BMERB1: variants seen among roughly 807,000 people sequenced by gnomAD.
The protein encoded by BMERB1 is bMERB domain containing 1, also known as bMERB domain-containing protein 1.
BMERB1 carries 12 observed loss-of-function variants against 23.6 expected under a neutral mutation model. The observed-to-expected ratio is 0.51, with a 90% CI of 0.33 to 0.82. The LOEUF is 0.82. Ranked by LOEUF, BMERB1 falls within the 40% of genes least tolerant of loss-of-function variation. BMERB1 has a pLI of 0.03. For synonymous variants in BMERB1, 122 were observed against 96.6 expected (o/e 1.26, Z -1.54); for missense variants, 247 against 255.4 (o/e 0.97, Z 0.22).
chr16:15,531,006 A>G (rs2051962210), intron 2 of BMERB1, among the ~76,000 whole-genome samples: 1 of 150,524 alleles, frequency 6.6e-6, no homozygotes, highest in Non-Finnish European at 1.5e-5. Context: ...CCCGGGTTCA[A>G]GCAATTATTC....
chr16:15,438,567 C>G (rs1245014178), intron 1 of BMERB1, among the ~76,000 whole-genome samples: 3 of 151,418 alleles, frequency 2.0e-5, no homozygotes, highest in Non-Finnish European at 4.4e-5. Flanking sequence ...TCAAGCAATT[C>G]TCCCGCCTCA....
chr16:15,535,581 C>T (rs910004788), intron 2 of BMERB1, among the ~76,000 whole-genome samples: 2 of 145,892 alleles, frequency 1.4e-5, no homozygotes, highest in South Asian at 2.2e-4. Context: ...ACCCAGAAGG[C>T]GGAGGTTGCA....
chr16:15,563,104 G>A (rs1408320882), intron 2 of BMERB1, among the ~76,000 whole-genome samples: 2 of 152,124 alleles, frequency 1.3e-5, no homozygotes, highest in African/African-American at 4.8e-5. Flanking sequence ...ACCTGAGGCC[G>A]GGCGCAGTGG....
rs202029339 is a variant in BMERB1, at chr16:15,500,553, AAAAG to A, written c.107-14745_107-14742del. Among the ~76,000 whole-genome samples the A allele has an allele frequency of 6.8e-3, 1,043 of 152,310 alleles. 12 individuals are homozygous for A. Among genetic ancestry groups the A allele is most frequent in the African/African-American group, 0.024 (982 of 41,570 alleles). On this transcript the variant is annotated intron_variant, in intron 1 of 5. Transcript: ENST00000300006. ...TGAGGAAGGGGAAGGTATCAGGGAG[AAAAG>A]AAAGAAGGAGATGAATGGAGGGTCC...
chr16:15,466,986 T>C (rs529080380), intron 1 of BMERB1, among the ~76,000 whole-genome samples: 1 of 152,338 alleles, frequency 6.6e-6, no homozygotes, highest in African/African-American at 2.4e-5. Context: ...TCACTCACCG[T>C]AATTCTCTCA....
intron 1 of BMERB1, among the ~76,000 whole-genome samples, chr16:15,494,460 A>G (rs759350495): frequency 6.6e-6 from 1 of 152,114 alleles, no homozygotes; most frequent in Non-Finnish European, 1.5e-5. Flanking sequence ...AATTTGTTAA[A>G]TAATTTGCCG....
intron 3 of BMERB1, chr16:15,577,276 C>T (rs2030889959): frequency 6.6e-6 from 1 of 152,160 alleles, no homozygotes; most frequent in Non-Finnish European, 1.5e-5. Flanking sequence ...ATTTTACTGG[C>T]TGCTCCTTGT....
chr16:15,461,298 G>A (rs2051132836), intron 1 of BMERB1, among the ~76,000 whole-genome samples: 1 of 152,094 alleles, frequency 6.6e-6, no homozygotes. Context: ...AAAGGAACAG[G>A]CAAAGTCACA....
At chr16:15,518,787 G>C (rs545651294) in intron 2 of BMERB1, among the ~76,000 whole-genome samples, 2 of 151,636 alleles carry the variant, frequency 1.3e-5, no homozygotes, top group South Asian at 4.2e-4. Flanking sequence ...AATCAGGGAA[G>C]GAGGGAAGGG....
At chr16:15,569,160 G>A (rs1028253785) in intron 3 of BMERB1, among the ~76,000 whole-genome samples, 3 of 152,164 alleles carry the variant, frequency 2.0e-5, no homozygotes, top group African/African-American at 7.2e-5. Context: ...AGGTTGCAGT[G>A]AGGTGAGATC....
chr16:15,524,677 A>T (rs1196789048), intron 2 of BMERB1, among the ~76,000 whole-genome samples: 1 of 152,208 alleles, frequency 6.6e-6, no homozygotes, highest in Admixed American at 6.5e-5. Context: ...GGCTTGAGGC[A>T]CAAGAGTTGC....
chr16:15,534,119 T>TA (rs1358449228), intron 2 of BMERB1, among the ~76,000 whole-genome samples: 1 of 151,626 alleles, frequency 6.6e-6, no homozygotes, highest in Non-Finnish European at 1.5e-5. Context: ...TGAGGAGCAA[T>TA]ACAATGAGGA....
At chr16:15,533,284 A>G (rs2051987554) in intron 2 of BMERB1, 1 of 177,454 alleles carries the variant, frequency 5.6e-6, no homozygotes, top group Non-Finnish European at 1.2e-5. Context: ...TGGAATGATG[A>G]TCTTTTCCAT....
At chr16:15,570,590 G>A (rs1030423760) in intron 3 of BMERB1, among the ~76,000 whole-genome samples, 1 of 152,100 alleles carries the variant, frequency 6.6e-6, no homozygotes, top group Non-Finnish European at 1.5e-5. Flanking sequence ...TCCTGATCCA[G>A]ACCCCAAAGT....
chr16:15,554,188 T>C (rs1369475322), intron 2 of BMERB1, among the ~76,000 whole-genome samples: 4 of 152,176 alleles, frequency 2.6e-5, no homozygotes, highest in Admixed American at 2.6e-4. Context: ...TCTGTCTTCC[T>C]TGAACTCCAG....
intron 1 of BMERB1, among the ~76,000 whole-genome samples, chr16:15,504,298 A>T (rs2051560980): frequency 6.6e-6 from 1 of 152,184 alleles, no homozygotes. Context: ...TGCAAATGTA[A>T]CATCTGACCA....
At chr16:15,520,457 A>G (rs2051836897) in intron 2 of BMERB1, among the ~76,000 whole-genome samples, 1 of 149,970 alleles carries the variant, frequency 6.7e-6, no homozygotes, top group African/African-American at 2.5e-5. Flanking sequence ...AACTGACCCA[A>G]TAGTCCCATC....
chr16:15,465,835 T>C (rs922316097), intron 1 of BMERB1, among the ~76,000 whole-genome samples: 1 of 152,244 alleles, frequency 6.6e-6, no homozygotes, highest in Admixed American at 6.5e-5. Flanking sequence ...ATCTGTGATA[T>C]CCTGTTATAC....
chr16:15,548,271 C>T (rs2029985109), intron 2 of BMERB1, among the ~76,000 whole-genome samples: 1 of 152,158 alleles, frequency 6.6e-6, no homozygotes, highest in African/African-American at 2.4e-5. Context: ...AGGTGTAAGC[C>T]ACTGCACCCG....
Sources: gnomAD v4.1 joint callset for allele counts (sites outside exome capture counted in the v4.1 genomes callset) on GRCh38, gnomAD v4.1.1 for gene constraint, MANE v1.5 for transcripts, NCBI Gene and HGNC (gene_info 2026-07-23, HGNC 2026-07-21) for gene names.